Variants in GRIA4 observed in about 807,000 individuals in gnomAD.
GRIA4 encodes the protein glutamate receptor 4.
In GRIA4, 34 loss-of-function variants were observed where a neutral mutation model predicts 104.0. That is an observed-to-expected ratio of 0.33 (90% CI 0.25 to 0.44). The LOEUF is 0.44. Ranked by LOEUF, GRIA4 falls within the 20% of genes least tolerant of loss-of-function variation. The probability of loss-of-function intolerance (pLI) is 1.00; values close to 1 mark genes in which losing one functional copy is unlikely to be tolerated. For synonymous variants in GRIA4, 386 were observed against 381.9 expected (o/e 1.01, Z -0.13); for missense variants, 750 against 1,096.5 (o/e 0.68, Z 4.46).
chr11:105,688,836 C>T (rs563010211), intron 3 of GRIA4, among the ~76,000 whole-genome samples: 1 of 151,878 alleles, frequency 6.6e-6, no homozygotes, highest in South Asian at 2.1e-4. Context: ...GATAATACGT[C>T]ATTAGGTAGA....
chr11:105,881,564 G>C (rs915714324), intron 5 of GRIA4, among the ~76,000 whole-genome samples: 1 of 152,104 alleles, frequency 6.6e-6, no homozygotes, highest in Admixed American at 6.6e-5. Context: ...CAGTGACAGA[G>C]AGATCACTAC....
chr11:105,945,852 T>C (rs1948293941), intron 14 of GRIA4, among the ~76,000 whole-genome samples: 2 of 152,302 alleles, frequency 1.3e-5, no homozygotes, highest in African/African-American at 2.4e-5. Flanking sequence ...AAAATATACA[T>C]AGTTACTATC....
intron 14 of GRIA4, among the ~76,000 whole-genome samples, chr11:105,934,364 A>G (rs1309448404): frequency 6.6e-6 from 1 of 152,146 alleles, no homozygotes; most frequent in Non-Finnish European, 1.5e-5. Flanking sequence ...GTCTCTGAGT[A>G]AGAAGAAATT....
chr11:105,911,868 CTTTTCA>C, intron 10 of GRIA4: 1 of 1,539,058 alleles, frequency 6.5e-7, no homozygotes, highest in Non-Finnish European at 8.9e-7. Context: ...CAGTCCTCCT[CTTTTCA>C]GCCTCTGATG....
At chr11:105,976,167 T>C (rs1220796603) in intron 16 of GRIA4, among the ~76,000 whole-genome samples, 2 of 152,082 alleles carry the variant, frequency 1.3e-5, no homozygotes, top group East Asian at 1.9e-4. Flanking sequence ...TTTTATAAGA[T>C]GTCCTTACTA....
At chr11:105,943,331 C>T (rs1948227694) in intron 14 of GRIA4, among the ~76,000 whole-genome samples, 3 of 151,926 alleles carry the variant, frequency 2.0e-5, no homozygotes, top group South Asian at 4.2e-4. Context: ...ATGTTTGGCA[C>T]GGTACAAATC....
chr11:105,674,171 A>C (rs1380358710), intron 3 of GRIA4, among the ~76,000 whole-genome samples: 1 of 152,054 alleles, frequency 6.6e-6, no homozygotes, highest in African/African-American at 2.4e-5. Context: ...ATAGTGAAAC[A>C]TTCTACCGAT....
At chr11:105,664,208 C>T (rs1952096665) in intron 3 of GRIA4, among the ~76,000 whole-genome samples, 1 of 149,642 alleles carries the variant, frequency 6.7e-6, no homozygotes, top group Non-Finnish European at 1.5e-5. Flanking sequence ...AAAGGTCTCT[C>T]ATATGAAGTC....
chr11:105,792,964 GA>G (rs1429691060), intron 4 of GRIA4, among the ~76,000 whole-genome samples: 6 of 152,038 alleles, frequency 3.9e-5, no homozygotes, highest in Non-Finnish European at 5.9e-5. Flanking sequence ...TTGAATTATT[GA>G]GATGTTCAAC....
At chr11:105,658,232 T>C (rs1196417763) in intron 3 of GRIA4, among the ~76,000 whole-genome samples, 1 of 151,842 alleles carries the variant, frequency 6.6e-6, no homozygotes, top group African/African-American at 2.4e-5. Context: ...ATTTCTAGTA[T>C]TCAAATATGA....
chr11:105,813,203 T>G (rs1393702903), intron 4 of GRIA4, among the ~76,000 whole-genome samples: 1 of 151,158 alleles, frequency 6.6e-6, no homozygotes, highest in Non-Finnish European at 1.5e-5. Flanking sequence ...GAGTGAGACA[T>G]GCCATTTTTT....
intron 3 of GRIA4, among the ~76,000 whole-genome samples, chr11:105,742,996 C>A (rs1197205452): frequency 2.6e-5 from 4 of 152,100 alleles, no homozygotes; most frequent in Admixed American, 2.6e-4. Context: ...CTCAGCCTCC[C>A]AAAGTTCTGG....
At chr11:105,726,380 C>A (rs1324994402) in intron 3 of GRIA4, among the ~76,000 whole-genome samples, 1 of 152,150 alleles carries the variant, frequency 6.6e-6, no homozygotes, top group Non-Finnish European at 1.5e-5. Flanking sequence ...GAAAGAAAGG[C>A]AGAAGCCCCA....
intron 11 of GRIA4, 141 bp downstream of exon 11, chr11:105,919,059 T>C: frequency 1.7e-6 from 1 of 584,678 alleles, no homozygotes; most frequent in Non-Finnish European, 3.1e-6. Flanking sequence ...TTTAAATCTT[T>C]CTCTATTTTA....
chr11:105,974,621 G>C, intron 16 of GRIA4, 177 bp downstream of exon 16: 1 of 1,487,986 alleles, frequency 6.7e-7, no homozygotes, highest in Non-Finnish European at 9.2e-7. Context: ...GTTGTGACCT[G>C]TCTGTCCAGT....
At chr11:105,840,749 A>G (rs1414663341) in intron 4 of GRIA4, among the ~76,000 whole-genome samples, 3 of 152,224 alleles carry the variant, frequency 2.0e-5, no homozygotes, top group African/African-American at 7.2e-5. Context: ...GACTCAAAAT[A>G]TGGTGAAAAA....
chr11:105,873,096 C>T (rs966952986), intron 5 of GRIA4, among the ~76,000 whole-genome samples: 1 of 152,014 alleles, frequency 6.6e-6, no homozygotes, highest in Non-Finnish European at 1.5e-5. Context: ...CCTGACAGGC[C>T]CCAGTGTGTG....
intron 4 of GRIA4, among the ~76,000 whole-genome samples, chr11:105,780,534 A>G (rs1941679889): frequency 6.6e-6 from 1 of 152,098 alleles, no homozygotes; most frequent in African/African-American, 2.4e-5. Context: ...ATCTTATTTC[A>G]TTTTTAGGTA....
At chr11:105,761,638 G>A (rs2000523) in intron 4 of GRIA4, among the ~76,000 whole-genome samples, 6 of 151,922 alleles carry the variant, frequency 3.9e-5, no homozygotes, top group Non-Finnish European at 7.4e-5. Flanking sequence ...AATGAAAAGG[G>A]CTGTGTTCTA....
Sources: allele counts gnomAD v4.1 joint callset (sites outside exome capture counted in the v4.1 genomes callset), GRCh38; gene constraint gnomAD v4.1.1; transcripts MANE v1.5; gene names NCBI Gene and HGNC (gene_info 2026-07-23, HGNC 2026-07-21).